GRB2: variants seen among roughly 807,000 people sequenced by gnomAD.
GRB2 encodes the protein growth factor receptor bound protein 2, also known as growth factor receptor-bound protein 2.
In GRB2, 2 loss-of-function variants were observed where a neutral mutation model predicts 27.4. That is an observed-to-expected ratio of 0.07 (90% CI 0.03 to 0.23). The LOEUF (loss-of-function observed/expected upper bound fraction) is 0.23, where lower values mean the gene tolerates loss of function less well. Ranked by LOEUF, GRB2 falls within the 10% of genes least tolerant of loss-of-function variation. The pLI is 1.00. For synonymous variants in GRB2, 94 were observed against 99.6 expected (o/e 0.94, Z 0.33); for missense variants, 102 against 282.4 (o/e 0.36, Z 4.58).
chr17:75,399,998 A>G (rs971061487), intron 1 of GRB2, among the ~76,000 whole-genome samples: 9 of 149,836 alleles, frequency 6.0e-5, no homozygotes, highest in African/African-American at 2.0e-4. Context: ...ATATTAATAC[A>G]TACTCTTTTT....
chr17:75,329,802 G>A (rs1301694047), intron 3 of GRB2, among the ~76,000 whole-genome samples: 2 of 152,124 alleles, frequency 1.3e-5, no homozygotes, highest in African/African-American at 4.8e-5. Context: ...TAAGGTGGGA[G>A]GATAACTTGA....
intron 2 of GRB2, among the ~76,000 whole-genome samples, chr17:75,378,676 C>T (rs2078909704): frequency 6.6e-6 from 1 of 152,124 alleles, no homozygotes; most frequent in African/African-American, 2.4e-5. Context: ...ATTGGACAGG[C>T]CTCTGAGCAG....
intron 2 of GRB2, among the ~76,000 whole-genome samples, chr17:75,333,856 TA>T (rs1017716670): frequency 6.6e-6 from 1 of 152,260 alleles, no homozygotes; most frequent in Admixed American, 6.5e-5. Context: ...TCTACAGATG[TA>T]AAAAAACAAG....
chr17:75,393,791 A>G, intron 1 of GRB2, 26 bp from the exon 2 acceptor site: 1 of 612,368 alleles, frequency 1.6e-6, no homozygotes, highest in Non-Finnish European at 2.9e-6. Flanking sequence ...GACGATTAAG[A>G]GCAGTGGCCA....
intron 2 of GRB2, among the ~76,000 whole-genome samples, chr17:75,349,245 T>C (rs1415671078): frequency 2.0e-5 from 3 of 152,228 alleles, no homozygotes; most frequent in Non-Finnish European, 4.4e-5. Context: ...AGCTGTCATA[T>C]GTTTCAATGA....
At chr17:75,404,754 T>A (rs2079087751) in intron 1 of GRB2, 1 of 152,168 alleles carries the variant, frequency 6.6e-6, no homozygotes, top group Non-Finnish European at 1.5e-5. Context: ...CAAGTGCACT[T>A]CAGTCCCCTG....
rs61764613 is a variant in GRB2, at chr17:75,325,466, T to A, written c.299+432A>T. 3.1e-3 allele frequency among the ~76,000 whole-genome samples: 479 copies of A among 152,200 alleles called. 2 individuals carry two copies. The highest frequency in any genetic ancestry group is 0.011 in the African/African-American group (445 of 41,532). On this transcript the variant is annotated intron_variant, in intron 4 of 5. Coordinates refer to ENST00000316804, the MANE Select transcript of GRB2 (RefSeq NM_002086.5). ...CCACCGGGGAAATGCAAGCCCCACA[T>A]CCCCTGCAGCAGCCTTCTTAAGTGA...
intron 2 of GRB2, among the ~76,000 whole-genome samples, chr17:75,362,988 T>G (rs1598238949): frequency 6.6e-6 from 1 of 152,084 alleles, no homozygotes; most frequent in East Asian, 1.9e-4. Context: ...AGGTGGGTAA[T>G]AAAAGGAGAC....
In GRB2 at chr17:75,341,583, G is replaced by GA. The variant is rs899631010; in HGVS notation, c.79-8787dup. On this transcript the variant is annotated intron_variant, in intron 2 of 5. Coordinates refer to ENST00000316804, the MANE Select transcript of GRB2 (RefSeq NM_002086.5). ...TTTAAACATTTTTAAAGGAAAAGAA[G>GA]AAAAAAAAGGGAAGGAGGAAGGAAA... Among the ~76,000 whole-genome samples the GA allele has an allele frequency of 1.5e-4, 23 of 151,006 alleles. 2 individuals carry two copies. Among genetic ancestry groups the GA allele is most frequent in the Admixed American group, 1.1e-3 (16 of 15,098 alleles).
chr17:75,396,101 G>A (rs577460692), intron 1 of GRB2, among the ~76,000 whole-genome samples: 253 of 152,250 alleles, frequency 1.7e-3, no homozygotes, highest in Non-Finnish European at 2.0e-3. Flanking sequence ...GCCTCCCCAA[G>A]TGCTGGGATT....
intron 1 of GRB2, among the ~76,000 whole-genome samples, chr17:75,402,970 G>C (rs1598260514): frequency 6.8e-6 from 1 of 146,102 alleles, no homozygotes; most frequent in Non-Finnish European, 1.5e-5. Flanking sequence ...AGCTACTAGC[G>C]AGGCTGAGGC....
At chr17:75,358,710 A>C (rs1294804700) in intron 2 of GRB2, among the ~76,000 whole-genome samples, 3 of 144,100 alleles carry the variant, frequency 2.1e-5, no homozygotes, top group African/African-American at 7.8e-5. Context: ...TAAAAAAAAA[A>C]AAAAAAAAAA....
chr17:75,328,940 A>AAAATAAATAAAT lies in GRB2; in HGVS notation c.177-2932_177-2921dup, dbSNP rs3047534. Among the ~76,000 whole-genome samples, 1,194 of 147,106 alleles carry AAAATAAATAAAT rather than the reference A, an allele frequency of 8.1e-3. 10 individuals are homozygous for AAAATAAATAAAT. The highest frequency in any genetic ancestry group is 0.017 in the African/African-American group (680 of 40,368). ...GCGACAAAGCGAGACTCGCTTTCAA[A>AAAATAAATAAAT]AAATAAATAAATAAATAAATAAATA... On this transcript the variant is annotated intron_variant, in intron 3 of 5. Transcript: ENST00000316804.
chr17:75,376,818 A>G (rs1429752610), intron 2 of GRB2, among the ~76,000 whole-genome samples: 2 of 152,140 alleles, frequency 1.3e-5, no homozygotes, highest in Non-Finnish European at 2.9e-5. Flanking sequence ...CCTGGGCAAC[A>G]TAATGAGACT....
chr17:75,362,070 T>A (rs1447585297), intron 2 of GRB2, among the ~76,000 whole-genome samples: 1 of 152,112 alleles, frequency 6.6e-6, no homozygotes. Context: ...GAGTACCCAC[T>A]GGCATTCCTG....
chr17:75,341,447 TAAAAAAAAAAAAA>T (rs61039194), intron 2 of GRB2, among the ~76,000 whole-genome samples: 1 of 110,278 alleles, frequency 9.1e-6, no homozygotes, highest in Non-Finnish European at 1.8e-5. Context: ...GTGACTCCAT[TAAAAAAAAAAAAA>T]AAAAAAAAAC....
chr17:75,333,614 TG>T (rs941943335), intron 2 of GRB2, among the ~76,000 whole-genome samples: 2 of 152,292 alleles, frequency 1.3e-5, no homozygotes, highest in African/African-American at 4.8e-5. Context: ...ATGGCTTCTC[TG>T]GGTTACCGCA....
rs906680474 is a variant in GRB2 at position 75,320,895 on chromosome 17, G to A, written c.469-342C>T. Among the ~76,000 whole-genome samples the A allele has an allele frequency of 3.3e-5, 5 of 152,090 alleles. No homozygotes were observed. The highest frequency in any genetic ancestry group is 5.9e-5 in the Non-Finnish European group (4 of 68,020). ...GTGTTTAGGCCGTGGGCCCAGAATC[G>A]CAAATCCCTTCTACGACACCCTTAA... On this transcript the variant is annotated intron_variant, in intron 5 of 5. Coordinates refer to ENST00000316804, the MANE Select transcript of GRB2 (RefSeq NM_002086.5). The surrounding 1 kb of genome is among the most constrained non-coding windows in gnomAD (Gnocchi z 4.3).
At chr17:75,343,541 T>C (rs1356555777) in intron 2 of GRB2, among the ~76,000 whole-genome samples, 2 of 152,206 alleles carry the variant, frequency 1.3e-5, no homozygotes, top group Non-Finnish European at 2.9e-5. Flanking sequence ...AACTAGGATA[T>C]GCTCATCAAC....
Sources: allele counts gnomAD v4.1 joint callset (sites outside exome capture counted in the v4.1 genomes callset), GRCh38; gene constraint gnomAD v4.1.1; non-coding constraint Gnocchi (gnomAD v3.1); transcripts MANE v1.5; gene names NCBI Gene and HGNC (gene_info 2026-07-23, HGNC 2026-07-21).